Variants in AFAP1L2 observed in about 807,000 individuals in gnomAD.
AFAP1L2 encodes actin filament-associated protein 1-like 2.
In AFAP1L2, 46 loss-of-function variants were observed where a neutral mutation model predicts 99.3. That is an observed-to-expected ratio of 0.46 (90% CI 0.37 to 0.59). The LOEUF is 0.59. Among genes scored for constraint, AFAP1L2 ranks in the 20% least tolerant of loss-of-function variants. The pLI is 0.00. For missense variants in AFAP1L2, 959 were observed against 1,034.9 expected (o/e 0.93, Z 1.01); for synonymous variants, 397 against 419.1 (o/e 0.95, Z 0.64).
intron 4 of AFAP1L2, 74 bp from the exon 5 acceptor site, chr10:114,323,335 G>T: frequency 7.3e-7 from 1 of 1,369,828 alleles, no homozygotes; most frequent in Non-Finnish European, 1.0e-6. Flanking sequence ...AACTCTTCGG[G>T]TGGAAGTCTA....
At position 114,302,364 on chromosome 10, in the gene AFAP1L2, C is replaced by CA. The variant is rs1226160878; in HGVS notation, c.1404dup (p.Val469CysfsTer27). On this transcript the variant is annotated frameshift_variant, in exon 12 of 19. Transcript: ENST00000304129. LOFTEE classifies it high-confidence loss of function. ...AAGAGAGAGTTTTTGGCCGCACTCA[C>CA]AATACAGGAGACCCTATCGGCATCC... The CA allele has an allele frequency of 6.2e-7, 1 of 1,614,038 alleles. No homozygotes were observed. The highest frequency in any genetic ancestry group is 1.3e-5 in the African/African-American group (1 of 74,914).
rs1201367085 is a variant in AFAP1L2, at chr10:114,377,691, A to G, written c.16+26749T>C. ...TGAGCTGTCATACTTCAAGATACAA[A>G]AATGAGCAAGATGCATTTCTGCCCT... is the stretch of plus-strand genomic sequence containing the variant. On this transcript the variant is annotated intron_variant, in intron 1 of 18. Transcript: ENST00000304129. This position sits in a 1 kb window ranked among gnomAD's most constrained non-coding sequence, Gnocchi z 4.0. Among the ~76,000 whole-genome samples, 3 of 152,240 alleles carry G rather than the reference A, an allele frequency of 2.0e-5. No homozygotes were observed. The highest frequency in any genetic ancestry group is 7.2e-5 in the African/African-American group (3 of 41,458).
intron 1 of AFAP1L2, among the ~76,000 whole-genome samples, chr10:114,360,529 A>ATAGT (rs2052190323): frequency 2.2e-5 from 3 of 134,272 alleles, no homozygotes; most frequent in African/African-American, 5.4e-5. Flanking sequence ...AGATAGATAG[A>ATAGT]TAGATAGATA....
At chr10:114,404,364 G>C (rs546469388) in intron 1 of AFAP1L2, 76 bp downstream of exon 1, 3 of 1,444,448 alleles carry the variant, frequency 2.1e-6, no homozygotes, top group East Asian at 2.5e-5. Flanking sequence ...CTGGCAAGAC[G>C]AGTCCTAGCC....
intron 1 of AFAP1L2, among the ~76,000 whole-genome samples, chr10:114,360,728 A>G (rs1276953635): frequency 6.6e-6 from 1 of 152,164 alleles, no homozygotes; most frequent in East Asian, 1.9e-4. Flanking sequence ...ACCATTTACC[A>G]CTATTATTCT....
At chr10:114,404,142 G>A (rs2058499411) in intron 1 of AFAP1L2, among the ~76,000 whole-genome samples, 3 of 152,148 alleles carry the variant, frequency 2.0e-5, no homozygotes, top group Admixed American at 6.5e-5. Context: ...GTGGAGTGGG[G>A]TGCCGGGCTC....
At chr10:114,280,820 C>G in the AFAP1L2 span, 1 of 152,178 alleles carries the variant, frequency 6.6e-6, no homozygotes, top group Admixed American at 6.5e-5. Context: ...CTTGGTGCAG[C>G]CTCAAACTTC....
At chr10:114,319,067 TC>T (rs1188026223) in intron 5 of AFAP1L2, among the ~76,000 whole-genome samples, 7 of 151,964 alleles carry the variant, frequency 4.6e-5, no homozygotes, top group Non-Finnish European at 1.0e-4. Context: ...GACAGGAGAA[TC>T]CCTTGAACCT....
At chr10:114,343,165 A>G (rs750422540) in intron 1 of AFAP1L2, among the ~76,000 whole-genome samples, 4 of 152,216 alleles carry the variant, frequency 2.6e-5, no homozygotes, top group Non-Finnish European at 4.4e-5. Flanking sequence ...CATCTCCTCT[A>G]CTTATCTAGC....
intron 7 of AFAP1L2, among the ~76,000 whole-genome samples, chr10:114,313,440 T>G (rs2043580486): frequency 6.6e-6 from 1 of 152,162 alleles, no homozygotes; most frequent in Non-Finnish European, 1.5e-5. Flanking sequence ...CAGACGACTT[T>G]GATCCATCAC....
intron 13 of AFAP1L2, among the ~76,000 whole-genome samples, 182 bp from the exon 14 acceptor site, chr10:114,300,872 C>A (rs2041048838): frequency 6.6e-6 from 1 of 152,146 alleles, no homozygotes; most frequent in Admixed American, 6.5e-5. Flanking sequence ...AAGACCCAGA[C>A]AGAGCACTTA....
intron 1 of AFAP1L2, among the ~76,000 whole-genome samples, chr10:114,367,337 C>T (rs193113187): frequency 3.6e-3 from 546 of 152,306 alleles, no homozygotes; most frequent in African/African-American, 0.012. Context: ...TTCATGTTCT[C>T]TGAGAACTTG....
chr10:114,349,993 G>A (rs188712827), intron 1 of AFAP1L2, among the ~76,000 whole-genome samples: 10 of 152,194 alleles, frequency 6.6e-5, no homozygotes, highest in African/African-American at 7.2e-5. Flanking sequence ...CAGATTAGCC[G>A]TTGAAACTGA....
At chr10:114,283,363 A>C in the AFAP1L2 span, among the ~76,000 whole-genome samples, 3,506 of 151,648 alleles carry the variant, frequency 0.023, 162 homozygotes, top group African/African-American at 0.081. Flanking sequence ...GCGAGCAGTT[A>C]GACACACAGG....
At chr10:114,386,506 A>T (rs1291210776) in intron 1 of AFAP1L2, among the ~76,000 whole-genome samples, 1 of 152,260 alleles carries the variant, frequency 6.6e-6, no homozygotes, top group Non-Finnish European at 1.5e-5. Context: ...AGGCAGCAGC[A>T]GCTGCAAAGC....
downstream of AFAP1L2, chr10:114,291,644 A>T (rs1013314681): frequency 5.4e-6 from 1 of 186,166 alleles, no homozygotes; most frequent in Non-Finnish European, 1.1e-5. Context: ...AATGTTGTTG[A>T]CACAGTAATG....
intron 4 of AFAP1L2, 73 bp from the exon 5 acceptor site, chr10:114,323,334 G>A: frequency 7.3e-7 from 1 of 1,371,376 alleles, no homozygotes; most frequent in Middle Eastern, 1.8e-4. Context: ...TAACTCTTCG[G>A]GTGGAAGTCT....
intron 1 of AFAP1L2, among the ~76,000 whole-genome samples, chr10:114,366,107 GAAGT>G (rs1320286231): frequency 6.6e-6 from 1 of 152,152 alleles, no homozygotes; most frequent in Non-Finnish European, 1.5e-5. Flanking sequence ...ATGGATAACA[GAAGT>G]AAGTGTGTTC....
intron 9 of AFAP1L2, among the ~76,000 whole-genome samples, chr10:114,308,174 A>C (rs1401450479): frequency 6.6e-6 from 1 of 152,198 alleles, no homozygotes; most frequent in Non-Finnish European, 1.5e-5. Context: ...ATCTTTACAC[A>C]CTGTACTGGC....
Sources: gnomAD v4.1 joint callset for allele counts (sites outside exome capture counted in the v4.1 genomes callset) on GRCh38, gnomAD v4.1.1 for gene constraint, Gnocchi (gnomAD v3.1) non-coding constraint, MANE v1.5 for transcripts, NCBI Gene and HGNC (gene_info 2026-07-23, HGNC 2026-07-21) for gene names.